Variants in SLC24A4 observed in about 807,000 individuals in gnomAD.
The protein encoded by SLC24A4 is sodium/potassium/calcium exchanger 4.
Under a neutral mutation model 79.0 loss-of-function variants are expected in SLC24A4, and 53 were observed. The observed-to-expected ratio is 0.67, with a 90% confidence interval of 0.54 to 0.84. SLC24A4 has a LOEUF of 0.84. Ranked by LOEUF, SLC24A4 falls within the 40% of genes least tolerant of loss-of-function variation. SLC24A4 has a pLI of 0.00. For synonymous variants in SLC24A4, 323 were observed against 323.8 expected (o/e 1.00, Z 0.03); for missense variants, 731 against 822.0 (o/e 0.89, Z 1.35).
At chr14:92,435,595 G>C (rs1043672404) in intron 3 of SLC24A4, among the ~76,000 whole-genome samples, 1 of 152,128 alleles carries the variant, frequency 6.6e-6, no homozygotes, top group Admixed American at 6.5e-5. Context: ...TGACCATCCA[G>C]CACCATCTGC....
chr14:92,461,046 A>G (rs1181445896), intron 12 of SLC24A4, among the ~76,000 whole-genome samples: 1 of 152,198 alleles, frequency 6.6e-6, no homozygotes, highest in Non-Finnish European at 1.5e-5. Flanking sequence ...CATGGTCTGC[A>G]GTGCTGGCAC....
rs189917357 is a variant in SLC24A4, at chr14:92,333,919, C to T, written c.241+7941C>T. ...GATGAGATCACCAAGCAGGTGCCCT[C>T]AGGGGTGGGCCTCTGTAGACTCCCC... On this transcript the variant is annotated intron_variant, in intron 2 of 16. Coordinates refer to ENST00000532405, the MANE Select transcript of SLC24A4 (RefSeq NM_153646.4). 4.6e-5 allele frequency among the ~76,000 whole-genome samples: 7 copies of T among 151,866 alleles called. No homozygotes were observed. In the East Asian group the frequency reaches 1.4e-3, roughly 29 times the overall value.
chr14:92,456,699 G>C, intron 12 of SLC24A4, 91 bp downstream of exon 12: 1 of 1,339,964 alleles, frequency 7.5e-7, no homozygotes, highest in Non-Finnish European at 1.0e-6. Context: ...GCATGGACTT[G>C]TAAGGGCGGC....
chr14:92,486,654 C>A lies in SLC24A4; in HGVS notation c.1423-12C>A. 1 of 1,575,860 alleles carries A rather than the reference C, an allele frequency of 6.3e-7. No homozygotes were observed. Among genetic ancestry groups the A allele is most frequent in the Non-Finnish European group, 8.7e-7 (1 of 1,145,238 alleles). On this transcript the variant is annotated splice_polypyrimidine_tract_variant and intron_variant, in intron 13 of 16. Transcript: ENST00000532405. ...TGGTTGAGAGTTCATGTCTCCACCC[C>A]ACATTCTGCAGGTGACTATTATCGG...
At chr14:92,469,668 A>G (rs575137195) in intron 12 of SLC24A4, among the ~76,000 whole-genome samples, 4 of 152,222 alleles carry the variant, frequency 2.6e-5, no homozygotes, top group African/African-American at 4.8e-5. Flanking sequence ...CAATTCAAAT[A>G]TCCATAAAGT....
chr14:92,325,942 A>T lies in SLC24A4; in HGVS notation c.205A>T (p.Asn69Tyr). The change falls in exon 2 of 17, where the codon AAT becomes TAT. Residue 69 changes from asparagine (N) to tyrosine (Y), a missense_variant. Asn to Tyr is a moderately radical substitution (Grantham distance 143). Coordinates refer to ENST00000532405, the MANE Select transcript of SLC24A4 (RefSeq NM_153646.4). ...WRNRKLMAPV[N>Y]GTQTAKNCTD... Reference sequence around the variant, plus strand: ...AAATAGAAAGTTGATGGCCCCAGTGAATGGGACACAGACAGCCAAGAACTG... The same window carrying T: ...AAATAGAAAGTTGATGGCCCCAGTGTATGGGACACAGACAGCCAAGAACTG... 1 of 1,612,904 alleles carries T rather than the reference A, an allele frequency of 6.2e-7. No homozygotes were observed. The highest frequency in any genetic ancestry group is 8.5e-7 in the Non-Finnish European group (1 of 1,179,384).
intron 2 of SLC24A4, among the ~76,000 whole-genome samples, chr14:92,427,860 G>A (rs1452510054): frequency 6.6e-6 from 1 of 152,188 alleles, no homozygotes; most frequent in African/African-American, 2.4e-5. Flanking sequence ...GGAGGTGACT[G>A]GGTCATAGAG....
chr14:92,461,041 T>C (rs1893772807), intron 12 of SLC24A4, among the ~76,000 whole-genome samples: 1 of 152,176 alleles, frequency 6.6e-6, no homozygotes, highest in South Asian at 2.1e-4. Context: ...GAAACCATGG[T>C]CTGCAGTGCT....
chr14:92,478,801 G>A lies in SLC24A4; in HGVS notation c.1256-3879G>A, dbSNP rs192527965. On this transcript the variant is annotated intron_variant, in intron 12 of 16. Transcript: ENST00000532405. ...ATACGTAAGTTTGGGGAATATTACC[G>A]TCTTAACCATTTTAAGCCTTCCGAT... Among the ~76,000 whole-genome samples, 207 of 152,192 alleles carry A rather than the reference G, an allele frequency of 1.4e-3. 1 individual carries two copies. The highest frequency in any genetic ancestry group is 4.4e-3 in the African/African-American group (184 of 41,546).
chr14:92,357,643 C>A (rs575175525), intron 2 of SLC24A4, among the ~76,000 whole-genome samples: 3 of 152,266 alleles, frequency 2.0e-5, no homozygotes, highest in Admixed American at 6.5e-5. Context: ...CTAGAGCAGT[C>A]AAATTCTGAG....
intron 2 of SLC24A4, among the ~76,000 whole-genome samples, chr14:92,364,487 C>T (rs961263643): frequency 2.0e-5 from 3 of 152,318 alleles, no homozygotes; most frequent in Non-Finnish European, 4.4e-5. Flanking sequence ...CCAGATGAAA[C>T]AGGTGTATTC....
intron 2 of SLC24A4, among the ~76,000 whole-genome samples, chr14:92,377,916 G>T (rs1052918178): frequency 1.3e-5 from 2 of 151,962 alleles, no homozygotes; most frequent in Admixed American, 6.6e-5. Flanking sequence ...ACCAGCTTGG[G>T]GAAGCAGGGT....
intron 12 of SLC24A4, among the ~76,000 whole-genome samples, chr14:92,465,490 G>T (rs1199855602): frequency 2.6e-5 from 4 of 152,202 alleles, no homozygotes; most frequent in Non-Finnish European, 4.4e-5. Context: ...CAGAGCTTCA[G>T]GGTGGGGGCT....
At chr14:92,453,621 C>T (rs1386234945) in intron 10 of SLC24A4, 1 of 361,990 alleles carries the variant, frequency 2.8e-6, no homozygotes, top group Admixed American at 5.0e-5. Flanking sequence ...AAGACTGGGC[C>T]CCAGAAGAGA....
chr14:92,392,300 A>C (rs1292678315), intron 2 of SLC24A4, among the ~76,000 whole-genome samples: 2 of 151,578 alleles, frequency 1.3e-5, no homozygotes, highest in African/African-American at 4.9e-5. Flanking sequence ...GAAAGAAAAG[A>C]CGATAGCAAA....
intron 5 of SLC24A4, among the ~76,000 whole-genome samples, chr14:92,442,484 A>G (rs1375914788): frequency 6.6e-6 from 1 of 152,254 alleles, no homozygotes; most frequent in Non-Finnish European, 1.5e-5. Flanking sequence ...TAGCATGCAC[A>G]TTATATCTGA....
chr14:92,398,494 C>G lies in SLC24A4; in HGVS notation c.242-35418C>G, dbSNP rs1040901309. ...AGGGAAAGAGTACAGAACAGGGCAGCCTCCAACGTCTGATGTTATTGACAT... is the reference window on the plus strand; with the variant it reads ...AGGGAAAGAGTACAGAACAGGGCAGGCTCCAACGTCTGATGTTATTGACAT... On this transcript the variant is annotated intron_variant, in intron 2 of 16. Coordinates refer to ENST00000532405, the MANE Select transcript of SLC24A4 (RefSeq NM_153646.4). The surrounding 1 kb of genome is among the most constrained non-coding windows in gnomAD (Gnocchi z 4.1). Among the ~76,000 whole-genome samples, 2 of 152,006 alleles carry G rather than the reference C, an allele frequency of 1.3e-5. No homozygotes were observed. Among genetic ancestry groups the G allele is most frequent in the Non-Finnish European group, 2.9e-5 (2 of 67,970 alleles).
intron 12 of SLC24A4, among the ~76,000 whole-genome samples, chr14:92,473,865 T>C (rs4904930): frequency 0.04 from 6,153 of 152,302 alleles, 188 homozygotes; most frequent in Admixed American, 0.095. Context: ...ATCCTTGGGC[T>C]AGTCACAGGC....
intron 2 of SLC24A4, among the ~76,000 whole-genome samples, chr14:92,381,112 C>CT (rs1169361990): frequency 1.2e-4 from 18 of 152,296 alleles, no homozygotes; most frequent in Admixed American, 9.8e-4. Context: ...AATCATTCTG[C>CT]TATAAAGACA....
Sources: allele counts gnomAD v4.1 joint callset (sites outside exome capture counted in the v4.1 genomes callset), GRCh38; gene constraint gnomAD v4.1.1; non-coding constraint Gnocchi (gnomAD v3.1); transcripts MANE v1.5; gene names NCBI Gene and HGNC (gene_info 2026-07-23, HGNC 2026-07-21).